CNTN5: variants seen among roughly 807,000 people sequenced by gnomAD.
CNTN5 encodes contactin 5.
CNTN5 carries 77 observed loss-of-function variants against 129.1 expected under a neutral mutation model. The observed-to-expected ratio is 0.60, with a 90% CI of 0.50 to 0.72. The LOEUF is 0.72. Ranked by LOEUF, CNTN5 falls within the 30% of genes least tolerant of loss-of-function variation. The probability of loss-of-function intolerance (pLI) is 0.00; values close to 1 mark genes in which losing one functional copy is unlikely to be tolerated. For synonymous variants in CNTN5, 509 were observed against 465.6 expected (o/e 1.09, Z -1.20); for missense variants, 1,478 against 1,328.8 (o/e 1.11, Z -1.75).
intron 4 of CNTN5, among the ~76,000 whole-genome samples, chr11:99,840,426 T>C (rs1250855045): frequency 9.9e-5 from 15 of 152,002 alleles, no homozygotes; most frequent in Admixed American, 9.8e-4. Context: ...TATCAAACAA[T>C]TGAGAAAATT....
intron 1 of CNTN5, among the ~76,000 whole-genome samples, chr11:99,052,819 A>T (rs1241449498): frequency 2.6e-5 from 4 of 151,784 alleles, no homozygotes; most frequent in Non-Finnish European, 5.9e-5. Flanking sequence ...TGTTGATTCT[A>T]TGTGTTCTGT....
intron 21 of CNTN5, among the ~76,000 whole-genome samples, chr11:100,333,509 G>A (rs556006522): frequency 6.6e-6 from 1 of 151,136 alleles, no homozygotes; most frequent in South Asian, 2.1e-4. Flanking sequence ...AAATCTGGAG[G>A]CATCACATTT....
intron 3 of CNTN5, among the ~76,000 whole-genome samples, chr11:99,640,982 A>T (rs1951750748): frequency 6.6e-6 from 1 of 152,210 alleles, no homozygotes; most frequent in South Asian, 2.1e-4. Flanking sequence ...CATCTCACTG[A>T]TGACCATCAG....
intron 9 of CNTN5, among the ~76,000 whole-genome samples, chr11:100,012,601 G>A (rs976749626): frequency 6.6e-6 from 1 of 152,124 alleles, no homozygotes. Flanking sequence ...CCTCAGGAGA[G>A]AAACTGTATA....
intron 8 of CNTN5, among the ~76,000 whole-genome samples, chr11:99,966,533 C>T (rs549668965): frequency 1.3e-5 from 2 of 152,186 alleles, no homozygotes; most frequent in Non-Finnish European, 2.9e-5. Flanking sequence ...TCTCCCATTC[C>T]CAGAGTGTAA....
intron 16 of CNTN5, among the ~76,000 whole-genome samples, chr11:100,252,298 T>C (rs1949979093): frequency 6.6e-6 from 1 of 152,216 alleles, no homozygotes; most frequent in Non-Finnish European, 1.5e-5. Context: ...GAGTTCCTCA[T>C]ATATGCTGCA....
At chr11:99,416,178 G>C (rs1186545147) in intron 2 of CNTN5, among the ~76,000 whole-genome samples, 1 of 152,116 alleles carries the variant, frequency 6.6e-6, no homozygotes, top group Non-Finnish European at 1.5e-5. Context: ...ATTTATTGGT[G>C]TTTCTTGGAC....
intron 13 of CNTN5, among the ~76,000 whole-genome samples, chr11:100,087,255 A>C (rs545194036): frequency 3.9e-5 from 6 of 151,952 alleles, no homozygotes; most frequent in African/African-American, 1.4e-4. Context: ...TGATTAAATG[A>C]ATAAAAAATG....
At chr11:99,586,166 T>G (rs922256203) in intron 3 of CNTN5, among the ~76,000 whole-genome samples, 2 of 152,142 alleles carry the variant, frequency 1.3e-5, no homozygotes, top group Admixed American at 1.3e-4. Flanking sequence ...TTTTTTCTCT[T>G]TCAACCCATC....
intron 3 of CNTN5, among the ~76,000 whole-genome samples, chr11:99,670,388 G>A (rs1298241480): frequency 2.6e-5 from 4 of 152,030 alleles, no homozygotes; most frequent in African/African-American, 7.3e-5. Context: ...CTGCATCTCC[G>A]GTTTAGGCTG....
intron 3 of CNTN5, among the ~76,000 whole-genome samples, chr11:99,582,321 G>A (rs566651051): frequency 5.3e-5 from 8 of 152,134 alleles, no homozygotes; most frequent in Admixed American, 2.6e-4. Flanking sequence ...TGCTCTTCTC[G>A]AGGAGTATCT....
chr11:99,421,073 C>T (rs1942866851), intron 2 of CNTN5, among the ~76,000 whole-genome samples: 1 of 151,592 alleles, frequency 6.6e-6, no homozygotes, highest in Non-Finnish European at 1.5e-5. Flanking sequence ...GCATGCAAAG[C>T]TGAATAAGAA....
At chr11:100,268,663 T>G (rs569697464) in intron 17 of CNTN5, among the ~76,000 whole-genome samples, 109 of 152,262 alleles carry the variant, frequency 7.2e-4, no homozygotes, top group African/African-American at 1.9e-3. Context: ...TCAAAGTCCA[T>G]CAAGAATGAG....
intron 1 of CNTN5, among the ~76,000 whole-genome samples, chr11:99,094,115 TG>T (rs762676125): frequency 6.6e-6 from 1 of 152,042 alleles, no homozygotes; most frequent in Non-Finnish European, 1.5e-5. Flanking sequence ...CCATTAAGAC[TG>T]GGTCTTTTGT....
chr11:99,756,112 A>G lies in CNTN5; in HGVS notation c.56-63432A>G, dbSNP rs150049931. On this transcript the variant is annotated intron_variant, in intron 3 of 24. Transcript: ENST00000524871. ...AGATCATTATTTTTTCAGGTTGTCTATTAAAGTATGAGAAACAAGAATACT... is the reference window on the plus strand; with the variant it reads ...AGATCATTATTTTTTCAGGTTGTCTGTTAAAGTATGAGAAACAAGAATACT... Among the ~76,000 whole-genome samples, 20 of 152,242 alleles carry G rather than the reference A, an allele frequency of 1.3e-4. No individual in the cohort carries two copies. In the East Asian group the frequency reaches 3.1e-3, roughly 23 times the overall value.
intron 3 of CNTN5, among the ~76,000 whole-genome samples, chr11:99,819,337 C>CT (rs1946705651): frequency 8.5e-6 from 1 of 117,130 alleles, no homozygotes; most frequent in Non-Finnish European, 1.8e-5. Flanking sequence ...CCCCTCCCCT[C>CT]CTTTCCTTAA....
chr11:100,050,363 A>T (rs1433262502), intron 9 of CNTN5, among the ~76,000 whole-genome samples: 2 of 152,034 alleles, frequency 1.3e-5, no homozygotes, highest in Non-Finnish European at 2.9e-5. Flanking sequence ...TTCTCAATAA[A>T]CTATCACAAG....
At chr11:99,185,927 A>T (rs111236362) in intron 1 of CNTN5, among the ~76,000 whole-genome samples, 1 of 141,888 alleles carries the variant, frequency 7.0e-6, no homozygotes, top group Non-Finnish European at 1.5e-5. Flanking sequence ...ATCACAATTT[A>T]AAAATAACCC....
chr11:99,533,100 G>A (rs1382664735), intron 2 of CNTN5, among the ~76,000 whole-genome samples: 1 of 152,186 alleles, frequency 6.6e-6, no homozygotes, highest in Non-Finnish European at 1.5e-5. Flanking sequence ...AAATGTGCCT[G>A]TAATCCCAGC....
Sources: gnomAD v4.1 joint callset for allele counts (sites outside exome capture counted in the v4.1 genomes callset) on GRCh38, gnomAD v4.1.1 for gene constraint, MANE v1.5 for transcripts, NCBI Gene and HGNC (gene_info 2026-07-23, HGNC 2026-07-21) for gene names.